The following USB1 variants were observed in gnomAD, a reference collection of about 807,000 sequenced individuals.
The protein encoded by USB1 is U6 snRNA biogenesis phosphodiesterase 1.
Under a neutral mutation model 29.9 loss-of-function variants are expected in USB1, and 21 were observed. The ratio of observed to expected loss-of-function variants is 0.70; its 90% CI spans 0.50 to 1.01. USB1 has a LOEUF of 1.01. Among genes scored for constraint, USB1 ranks in the 50% least tolerant of loss-of-function variants. The pLI, the probability that USB1 is intolerant of heterozygous loss-of-function variation, is 0.00. For missense variants in USB1, 330 were observed against 347.1 expected, an observed-to-expected ratio of 0.95 and a Z score of 0.39; for synonymous variants, 143 against 134.9, an observed-to-expected ratio of 1.06 and a Z score of -0.42.
At chr16:58,012,336 G>T in intron 3 of USB1, 2 of 1,535,006 alleles carry the variant, frequency 1.3e-6, no homozygotes, top group Non-Finnish European at 1.7e-6. Flanking sequence ...AGAAGCCCAT[G>T]CCAGAAGCCC....
At position 58,019,036 on chromosome 16, in the gene USB1, A is replaced by G. The variant is rs899448274; in HGVS notation, c.674A>G (p.Gln225Arg). The G allele has an allele frequency of 1.9e-6, 3 of 1,614,160 alleles. No homozygotes were observed. Among genetic ancestry groups the G allele is most frequent in the Non-Finnish European group, 2.5e-6 (3 of 1,180,026 alleles). ...VGDARLQLEG[Q>R]CLQELQAIVD... is the part of the protein sequence containing the mutation. ...GATGCACGTCTCCAGCTGGAGGGGC[A>G]GTGCCTGCAGGAACTACAGGTGAAT... is the stretch of plus-strand genomic sequence containing the variant. Residue 225 changes from glutamine (Q) to arginine (R), a missense_variant, in exon 6 of 7, where the codon CAG becomes CGG. Coordinates refer to ENST00000219281, the MANE Select transcript of USB1 (RefSeq NM_024598.4).
chr16:58,014,154 A>G (rs1375482400), intron 3 of USB1, 119 bp from the exon 4 acceptor site: 2 of 806,752 alleles, frequency 2.5e-6, no homozygotes, highest in Non-Finnish European at 4.2e-6. Flanking sequence ...ATGGGGTGAT[A>G]ATATGAAGTG....
chr16:58,001,506 G>A lies in USB1; in HGVS notation c.23G>A (p.Gly8Asp), dbSNP rs564572047. 2.4e-5 allele frequency: 39 copies of A among 1,606,376 alleles called. No individual in the cohort carries two copies. In the Admixed American group the frequency reaches 5.6e-4, roughly 23 times the overall value. MSAAPLV[G>D]YSSSGSEDES... ...CCCATGAGCGCGGCGCCCCTGGTGGGCTACAGCAGCAGCGGCTCCGAGGAT... is the reference window on the plus strand; with the variant it reads ...CCCATGAGCGCGGCGCCCCTGGTGGACTACAGCAGCAGCGGCTCCGAGGAT... The change falls in exon 1 of 7, where the codon GGC (glycine) becomes GAC (aspartate). Residue 8 changes from glycine to aspartate, a missense_variant. By Grantham distance (94) the Gly-to-Asp change is moderately conservative (BLOSUM62 -1). Coordinates refer to ENST00000219281, the MANE Select transcript of USB1 (RefSeq NM_024598.4).
Position 58,014,284 on chromosome 16 carries a change from C to T in USB1, c.461C>T (p.Thr154Ile), listed in dbSNP as rs779326318. 1 of 1,613,460 alleles carries T rather than the reference C, an allele frequency of 6.2e-7. No individual in the cohort carries two copies. The highest frequency in any genetic ancestry group is 8.5e-7 in the Non-Finnish European group (1 of 1,179,652). ...RMTSFHRFFF[T>I]ANQVKIYTNQ... ...CTTCTAAATTTCAGATTCTTCTTTA[C>T]TGCCAACCAGGTAAAGATTTACACC... Residue 154 changes from threonine (T) to isoleucine (I), a missense_variant, in exon 4 of 7, where the codon ACT (threonine) becomes ATT (isoleucine). Coordinates refer to ENST00000219281, the MANE Select transcript of USB1 (RefSeq NM_024598.4).
chr16:58,011,797 T>C (rs1172215638), intron 3 of USB1: 24 of 988,066 alleles, frequency 2.4e-5, no homozygotes, highest in Non-Finnish European at 2.9e-5. Flanking sequence ...GGACTGTGGC[T>C]TCTCTCTGAA....
chr16:58,010,028 G>A lies in USB1; in HGVS notation c.365G>A (p.Ser122Asn). ...RLVRMKVFHL[S>N]LSQSVVLRHH... ...GTAAGGATGAAGGTGTTCCACCTCAGCCTGTCCCAGAGTGTGGTTCTGCGC... is the reference window on the plus strand; with the variant it reads ...GTAAGGATGAAGGTGTTCCACCTCAACCTGTCCCAGAGTGTGGTTCTGCGC... Residue 122 changes from serine (S) to asparagine (N), a missense_variant, in exon 3 of 7, where the codon AGC becomes AAC. Transcript: ENST00000219281. 6.2e-7 allele frequency: 1 copy of A among 1,614,112 alleles called. No individual in the cohort carries two copies. The highest frequency in any genetic ancestry group is 8.5e-7 in the Non-Finnish European group (1 of 1,180,024).
chr16:58,011,449 T>A (rs1385943486), intron 3 of USB1: 1 of 1,072,480 alleles, frequency 9.3e-7, no homozygotes, highest in Non-Finnish European at 1.1e-6. Flanking sequence ...CAGAAATGCA[T>A]CTCCTGCTAG....
intron 5 of USB1, among the ~76,000 whole-genome samples, chr16:58,017,970 A>T (rs989092941): frequency 1.3e-5 from 2 of 152,156 alleles, no homozygotes; most frequent in African/African-American, 4.8e-5. Flanking sequence ...GACTTTGGGG[A>T]TTTTGTTCAT....
chr16:58,019,055 G>A lies in USB1; in HGVS notation c.693G>A (p.Gln231=), dbSNP rs770883144. ...AGGGGCAGTGCCTGCAGGAACTACA[G>A]GTGAATTTCCAGGGCGGGAGCACAG... The part of the protein sequence containing the change: ...QLEGQCLQEL[Q]AIVDGFEDAE... The change falls in exon 6 of 7, where the codon CAG becomes CAA. Residue 231 remains glutamine, a splice_region_variant and synonymous_variant. Transcript: ENST00000219281. 4.6e-5 allele frequency: 74 copies of A among 1,614,014 alleles called. 1 individual carries two copies. In the South Asian group the frequency reaches 5.2e-4, roughly 11 times the overall value.
At chr16:58,012,175 G>A in intron 3 of USB1, 1 of 1,452,326 alleles carries the variant, frequency 6.9e-7, no homozygotes, top group South Asian at 1.4e-5. Flanking sequence ...GAGGGCCAGA[G>A]GAGGACAGGA....
intron 5 of USB1, 34 bp from the exon 6 acceptor site, chr16:58,018,933 GCGTCC>G (rs775752371): frequency 2.0e-5 from 32 of 1,607,580 alleles, no homozygotes; most frequent in Non-Finnish European, 2.6e-5. Flanking sequence ...GCCTGCCAAG[GCGTCC>G]GGGTGACTGC....
rs1201671537 is a variant in USB1 at position 58,009,943 on chromosome 16, G to C, written c.280G>C (p.Glu94Gln). 1 of 1,613,716 alleles carries C rather than the reference G, an allele frequency of 6.2e-7. No individual in the cohort carries two copies. Among genetic ancestry groups the C allele is most frequent in the African/African-American group, 1.3e-5 (1 of 74,814 alleles). Residue 94 changes from glutamate (E) to glutamine (Q), a missense_variant, in exon 3 of 7, where the codon GAG (glutamate) becomes CAG (glutamine). By Grantham distance (29) the Glu-to-Gln change is conservative. Coordinates refer to ENST00000219281, the MANE Select transcript of USB1 (RefSeq NM_024598.4). ...HVYVPYEAKE[E>Q]FLDLLDVLLP... ...CTCCCCTCCAGATGAAGCCAAGGAGGAGTTCCTGGATCTGCTTGATGTGTT... is the reference window on the plus strand; with the variant it reads ...CTCCCCTCCAGATGAAGCCAAGGAGCAGTTCCTGGATCTGCTTGATGTGTT...
At chr16:58,015,562 T>G (rs1963596674) in intron 4 of USB1, 1 of 152,194 alleles carries the variant, frequency 6.6e-6, no homozygotes, top group Admixed American at 6.5e-5. Flanking sequence ...GATTCATCAG[T>G]GAAGAGGTAG....
intron 6 of USB1, among the ~76,000 whole-genome samples, chr16:58,019,384 A>C (rs1180979846): frequency 1.3e-5 from 2 of 152,010 alleles, no homozygotes; most frequent in East Asian, 3.9e-4. Context: ...ATCTGCGAGG[A>C]GGCTGCAGGC....
In USB1 at chr16:58,021,226, C is replaced by T. The variant is rs1963733313; in HGVS notation, c.*981C>T. 6.6e-6 allele frequency: 1 copy of T among 152,288 alleles called. No individual in the cohort carries two copies. The highest frequency in any genetic ancestry group is 2.4e-5 in the African/African-American group (1 of 41,474). The allele number at this position is 152,288 out of a possible 1,614,324, so 9.4% of individuals were successfully genotyped here. A position where few individuals can be genotyped will look rare whatever the true frequency, so the allele number is the denominator to read the frequency against. On this transcript the variant is annotated 3_prime_UTR_variant, in exon 7 of 7. Transcript: ENST00000219281. ...TAACTTGTGGTCCAGCATCAGTTTTCTCCACTTCTTTCTCCCACTCACCCC... is the reference window on the plus strand; with the variant it reads ...TAACTTGTGGTCCAGCATCAGTTTTTTCCACTTCTTTCTCCCACTCACCCC...
intron 2 of USB1, among the ~76,000 whole-genome samples, chr16:58,006,010 T>A (rs988825758): frequency 4.6e-5 from 7 of 152,198 alleles, no homozygotes; most frequent in Non-Finnish European, 8.8e-5. Context: ...CCAGGAAATT[T>A]TTTTTGGTAG....
intron 5 of USB1, among the ~76,000 whole-genome samples, chr16:58,018,090 T>C (rs1049467038): frequency 1.3e-5 from 2 of 152,204 alleles, no homozygotes; most frequent in African/African-American, 4.8e-5. Flanking sequence ...GGAAAGCCTC[T>C]GTGAATACGA....
chr16:58,007,694 T>C (rs931461227), intron 2 of USB1, among the ~76,000 whole-genome samples: 1 of 152,020 alleles, frequency 6.6e-6, no homozygotes, highest in African/African-American at 2.4e-5. Context: ...AAGGTAATTA[T>C]TTATTTATTC....
intron 4 of USB1, 33 bp from the exon 5 acceptor site, chr16:58,017,301 C>T: frequency 6.3e-7 from 1 of 1,593,764 alleles, no homozygotes; most frequent in East Asian, 2.2e-5. Flanking sequence ...TCAGAGGCTA[C>T]ATCTCATGCC....
Sources: allele counts gnomAD v4.1 joint callset (sites outside exome capture counted in the v4.1 genomes callset), GRCh38; gene constraint gnomAD v4.1.1; transcripts MANE v1.5; gene names NCBI Gene and HGNC (gene_info 2026-07-23, HGNC 2026-07-21).